TENM3: variants seen among roughly 807,000 people sequenced by gnomAD.
The protein encoded by TENM3 is teneurin-3.
Under a neutral mutation model 255.1 loss-of-function variants are expected in TENM3, and 63 were observed. The observed-to-expected ratio is 0.25, with a 90% CI of 0.20 to 0.30. The LOEUF (loss-of-function observed/expected upper bound fraction) is 0.30. Ranked by LOEUF, TENM3 falls within the 10% of genes least tolerant of loss-of-function variation. The probability of loss-of-function intolerance (pLI) is 1.00; values close to 1 mark genes in which losing one functional copy is unlikely to be tolerated. For missense variants in TENM3, 2,929 were observed against 3,461.1 expected (o/e 0.85, Z 3.86); for synonymous variants, 1,306 against 1,322.3 (o/e 0.99, Z 0.27).
At chr4:182,620,143 G>A (rs1024431728) in intron 4 of TENM3, among the ~76,000 whole-genome samples, 3 of 152,138 alleles carry the variant, frequency 2.0e-5, no homozygotes, top group Admixed American at 1.3e-4. Context: ...GTCACAGGAT[G>A]GGAAGAGACT....
the TENM3 span, among the ~76,000 whole-genome samples, chr4:181,999,492 T>C: frequency 5.3e-5 from 8 of 152,310 alleles, no homozygotes; most frequent in African/African-American, 1.9e-4. Context: ...AAGAATATTA[T>C]GTGTATACAA....
At chr4:181,572,341 A>T in the TENM3 span, among the ~76,000 whole-genome samples, 1 of 152,156 alleles carries the variant, frequency 6.6e-6, no homozygotes, top group Admixed American at 6.5e-5. Context: ...GCATTGACAC[A>T]TTTTCTTCTT....
rs571078952 is a variant in TENM3 at position 182,478,450 on chromosome 4, G to GT, written c.512-122464dup. On this transcript the variant is annotated intron_variant, in intron 3 of 27. Coordinates refer to ENST00000511685, the MANE Select transcript of TENM3 (RefSeq NM_001080477.4). Reference sequence around the variant, plus strand: ...AAAAAATTTGAGTTTCATATGTAGAGTTTTTTTTTTAATAATTAATCTCCT... The same window carrying GT: ...AAAAAATTTGAGTTTCATATGTAGAGTTTTTTTTTTTAATAATTAATCTCCT... Among the ~76,000 whole-genome samples the GT allele has an allele frequency of 9.9e-4, 147 of 148,454 alleles. 1 individual carries two copies. Among genetic ancestry groups the GT allele is most frequent in the Middle Eastern group, 3.4e-3 (1 of 292 alleles).
chr4:181,488,633 A>G, the TENM3 span, among the ~76,000 whole-genome samples: 1 of 152,022 alleles, frequency 6.6e-6, no homozygotes, highest in Non-Finnish European at 1.5e-5. Flanking sequence ...GCATATTTTG[A>G]CCATCTTAAA....
intron 16 of TENM3, among the ~76,000 whole-genome samples, chr4:182,733,566 A>G (rs1760941948): frequency 6.8e-6 from 1 of 148,056 alleles, no homozygotes; most frequent in Non-Finnish European, 1.5e-5. Context: ...GGTTGAAACT[A>G]AAGAGGTAAA....
chr4:182,456,716 A>G (rs148690305), intron 3 of TENM3, among the ~76,000 whole-genome samples: 3,145 of 152,308 alleles, frequency 0.021, 59 homozygotes, highest in East Asian at 0.042. Flanking sequence ...ATTTAGAACA[A>G]GAATCAGTAC....
the TENM3 span, among the ~76,000 whole-genome samples, chr4:181,968,997 TA>T: frequency 1.4e-5 from 2 of 147,670 alleles, no homozygotes; most frequent in African/African-American, 5.0e-5. Flanking sequence ...TCTCTCTATA[TA>T]CATATATATG....
the TENM3 span, among the ~76,000 whole-genome samples, chr4:182,134,874 A>G: frequency 5.3e-5 from 8 of 152,052 alleles, no homozygotes. Flanking sequence ...GCATCACGCC[A>G]CAGAGAAAAC....
At chr4:182,012,478 C>A in the TENM3 span, among the ~76,000 whole-genome samples, 1 of 152,158 alleles carries the variant, frequency 6.6e-6, no homozygotes. Flanking sequence ...GTAAAGAACG[C>A]CGGAATTGTC....
chr4:182,312,625 T>A (rs1252449564), intron 1 of TENM3, among the ~76,000 whole-genome samples: 3 of 152,268 alleles, frequency 2.0e-5, no homozygotes, highest in African/African-American at 7.2e-5. Flanking sequence ...CCAGATATTA[T>A]TACTGGCAAA....
At chr4:181,651,687 G>C in the TENM3 span, among the ~76,000 whole-genome samples, 1 of 152,094 alleles carries the variant, frequency 6.6e-6, no homozygotes, top group Non-Finnish European at 1.5e-5. Flanking sequence ...GAAAAAACAA[G>C]ATGCGTTACA....
chr4:181,893,920 T>C, the TENM3 span, among the ~76,000 whole-genome samples: 1 of 152,200 alleles, frequency 6.6e-6, no homozygotes, highest in South Asian at 2.1e-4. Context: ...GCAAAGCATT[T>C]TTATTGCTCA....
At chr4:182,182,468 G>A (rs936957618) in intron 1 of TENM3, among the ~76,000 whole-genome samples, 19 of 152,110 alleles carry the variant, frequency 1.2e-4, no homozygotes, top group Admixed American at 1.0e-3. Flanking sequence ...GTAAGATAAG[G>A]GCACTAAATG....
At chr4:182,771,755 T>C (rs74653004) in intron 22 of TENM3, among the ~76,000 whole-genome samples, 4,860 of 152,300 alleles carry the variant, frequency 0.032, 121 homozygotes, top group South Asian at 0.11. Flanking sequence ...AAAAAAGCGA[T>C]CACAGCAATA....
chr4:181,600,591 A>G, the TENM3 span, among the ~76,000 whole-genome samples: 2 of 151,648 alleles, frequency 1.3e-5, no homozygotes. Flanking sequence ...AAAACTGCCT[A>G]AGGGAGGCAG....
At chr4:181,888,267 G>T in the TENM3 span, among the ~76,000 whole-genome samples, 1 of 151,530 alleles carries the variant, frequency 6.6e-6, no homozygotes, top group Admixed American at 6.6e-5. Flanking sequence ...CTGACCTCAA[G>T]TGATCCACCC....
Position 182,346,613 on chromosome 4 carries a change from A to G in TENM3, c.233-38A>G, listed in dbSNP as rs139872386. 9.6e-5 allele frequency: 149 copies of G among 1,557,102 alleles called. 1 individual carries two copies. The African/African-American group carries it at 1.6e-3, about 17-fold the overall frequency. On this transcript the variant is annotated intron_variant, in intron 2 of 27. Coordinates refer to ENST00000511685, the MANE Select transcript of TENM3 (RefSeq NM_001080477.4). ...AAGAAAAGAAACTAACACTGAACAT[A>G]TACTCACTAGTTGTTATCTTTTTTT...
chr4:182,327,553 G>A (rs954298951), intron 2 of TENM3, among the ~76,000 whole-genome samples: 5 of 152,190 alleles, frequency 3.3e-5, no homozygotes, highest in Non-Finnish European at 5.9e-5. Context: ...ACTGGCAGGT[G>A]ACTACTGTTA....
the TENM3 span, among the ~76,000 whole-genome samples, chr4:181,659,618 A>G: frequency 6.6e-6 from 1 of 152,326 alleles, no homozygotes; most frequent in Non-Finnish European, 1.5e-5. Flanking sequence ...TAAATCTTCT[A>G]ACAGCAGCCT....
Sources: gnomAD v4.1 joint callset for allele counts (sites outside exome capture counted in the v4.1 genomes callset) on GRCh38, gnomAD v4.1.1 for gene constraint, MANE v1.5 for transcripts, NCBI Gene and HGNC (gene_info 2026-07-23, HGNC 2026-07-21) for gene names.